Variants in KCNU1 observed in about 807,000 individuals in gnomAD.
The protein encoded by KCNU1 is potassium calcium-activated channel subfamily U member 1, also known as potassium channel subfamily U member 1.
In KCNU1, 93 loss-of-function variants were observed where a neutral mutation model predicts 126.8. The ratio of observed to expected loss-of-function variants is 0.73; its 90% CI spans 0.62 to 0.87. The LOEUF (loss-of-function observed/expected upper bound fraction) is 0.87, where lower values mean the gene tolerates loss of function less well. Among genes scored for constraint, KCNU1 ranks in the 40% least tolerant of loss-of-function variants. The probability of loss-of-function intolerance (pLI) is 0.00; values close to 1 mark genes in which losing one functional copy is unlikely to be tolerated. For missense variants in KCNU1, 1,330 were observed against 1,367.1 expected (o/e 0.97, Z 0.43); for synonymous variants, 523 against 494.2 (o/e 1.06, Z -0.77).
chr8:36,881,217 T>C (rs1005765350), intron 19 of KCNU1, among the ~76,000 whole-genome samples: 6 of 152,170 alleles, frequency 3.9e-5, no homozygotes, highest in Admixed American at 6.5e-5. Context: ...GTTAACTCAC[T>C]AAAAGGCCAG....
At chr8:36,815,745 C>A in intron 9 of KCNU1, 58 bp downstream of exon 9, 2 of 988,676 alleles carry the variant, frequency 2.0e-6, no homozygotes, top group Non-Finnish European at 3.1e-6. Context: ...AGCCATATAT[C>A]TCGTTCTAGA....
chr8:36,792,708 G>GAAA (rs1468879245), intron 2 of KCNU1, among the ~76,000 whole-genome samples: 5 of 152,060 alleles, frequency 3.3e-5, no homozygotes, highest in Non-Finnish European at 7.4e-5. Flanking sequence ...GAAAAATGCT[G>GAAA]TCTATAGATT....
intron 16 of KCNU1, among the ~76,000 whole-genome samples, chr8:36,844,614 AGG>A (rs1805076933): frequency 6.6e-6 from 1 of 152,226 alleles, no homozygotes; most frequent in Non-Finnish European, 1.5e-5. Context: ...TCTTGGCATA[AGG>A]CTGAAGAACT....
chr8:36,894,760 G>T (rs1807116381), intron 19 of KCNU1, among the ~76,000 whole-genome samples: 1 of 152,074 alleles, frequency 6.6e-6, no homozygotes, highest in Non-Finnish European at 1.5e-5. Flanking sequence ...ATAATCTGAA[G>T]CGGAATCTGC....
At chr8:36,875,040 A>C (rs532451993) in intron 19 of KCNU1, among the ~76,000 whole-genome samples, 37 of 152,064 alleles carry the variant, frequency 2.4e-4, no homozygotes, top group African/African-American at 8.9e-4. Flanking sequence ...GTGGTATTAT[A>C]TCTCATCTAC....
At position 36,918,098 on chromosome 8, in the gene KCNU1, C is replaced by G. The variant is rs552771996; in HGVS notation, c.2522-725C>G. Among the ~76,000 whole-genome samples, 18 of 152,290 alleles carry G rather than the reference C, an allele frequency of 1.2e-4. 1 individual carries two copies. Among genetic ancestry groups the G allele is most frequent in the Middle Eastern group, 3.4e-3 (1 of 294 alleles). On this transcript the variant is annotated intron_variant, in intron 22 of 26. Transcript: ENST00000399881. The stretch of plus-strand genomic sequence containing the variant: ...TGCAGTTTCCGAAAAATACTACAGG[C>G]AAATTGATGTGGTTTGAGCTACTGC...
In KCNU1 at chr8:36,784,574, G is replaced by T. The variant is rs772989092; in HGVS notation, c.164G>T (p.Trp55Leu). The change falls in exon 1 of 27, where the codon TGG becomes TTG. Residue 55 changes from tryptophan (W) to leucine (L), a missense_variant. Transcript: ENST00000399881. ...FRLIWRSVKK[W>L]QIIKGTGIIL... ...CTGATCTGGAGATCTGTTAAAAAAT[G>T]GCAAATCATCAAGGGAACAGGAATT... 1 of 1,613,446 alleles carries T rather than the reference G, an allele frequency of 6.2e-7. No individual in the cohort carries two copies. Among genetic ancestry groups the T allele is most frequent in the Non-Finnish European group, 8.5e-7 (1 of 1,179,642 alleles).
chr8:36,856,443 T>C (rs999720723), intron 18 of KCNU1, among the ~76,000 whole-genome samples: 1 of 152,162 alleles, frequency 6.6e-6, no homozygotes, highest in African/African-American at 2.4e-5. Flanking sequence ...TTGTCACTGG[T>C]TGTTTAGTTA....
intron 18 of KCNU1, among the ~76,000 whole-genome samples, chr8:36,848,072 G>T (rs1464377626): frequency 6.6e-6 from 1 of 152,142 alleles, no homozygotes; most frequent in Non-Finnish European, 1.5e-5. Context: ...GATAATTAAT[G>T]ATGTTAAACA....
chr8:36,913,345 A>G (rs999620744), intron 22 of KCNU1, among the ~76,000 whole-genome samples: 2 of 152,198 alleles, frequency 1.3e-5, no homozygotes, highest in African/African-American at 2.4e-5. Context: ...GAGAAAAGGA[A>G]GGAATGTCAA....
intron 10 of KCNU1, 150 bp from the exon 11 acceptor site, chr8:36,833,404 T>C: frequency 2.3e-6 from 1 of 441,700 alleles, no homozygotes; most frequent in Non-Finnish European, 4.2e-6. Context: ...AGTAATTACA[T>C]TTTTTAAAAA....
intron 18 of KCNU1, among the ~76,000 whole-genome samples, chr8:36,849,487 G>T (rs906458049): frequency 2.0e-5 from 3 of 152,146 alleles, no homozygotes; most frequent in Non-Finnish European, 4.4e-5. Flanking sequence ...TACTTGGGAG[G>T]CTGAGGCAGG....
At chr8:36,833,863 C>G (rs1172512739) in intron 11 of KCNU1, among the ~76,000 whole-genome samples, 4 of 152,176 alleles carry the variant, frequency 2.6e-5, no homozygotes, top group Admixed American at 2.0e-4. Context: ...GCAGACCTCA[C>G]TGTTTGCCAA....
chr8:36,916,872 A>G (rs898492512), intron 22 of KCNU1, among the ~76,000 whole-genome samples: 4 of 152,202 alleles, frequency 2.6e-5, no homozygotes, highest in African/African-American at 4.8e-5. Flanking sequence ...TAGAAATCAG[A>G]AATATATTCA....
chr8:36,806,033 G>T (rs1412768717), intron 4 of KCNU1, among the ~76,000 whole-genome samples: 1 of 152,022 alleles, frequency 6.6e-6, no homozygotes, highest in African/African-American at 2.4e-5. Flanking sequence ...TGGTAGAGAT[G>T]GGGTTTCGCC....
At chr8:36,792,897 C>A (rs1019336524) in intron 2 of KCNU1, among the ~76,000 whole-genome samples, 1 of 152,028 alleles carries the variant, frequency 6.6e-6, no homozygotes, top group African/African-American at 2.4e-5. Flanking sequence ...TATCTATAAA[C>A]GTAAACCATG....
At chr8:36,932,780 T>A in intron 25 of KCNU1, 140 bp from the exon 26 acceptor site, 1 of 617,408 alleles carries the variant, frequency 1.6e-6, no homozygotes, top group Non-Finnish European at 2.9e-6. Context: ...CCTATCGCCC[T>A]GGCAGTGCCA....
chr8:36,797,944 A>C (rs1803163743), intron 2 of KCNU1, among the ~76,000 whole-genome samples: 1 of 152,138 alleles, frequency 6.6e-6, no homozygotes, highest in East Asian at 1.9e-4. Flanking sequence ...CTCTTCTGTA[A>C]GCCTGCTCCT....
chr8:36,805,162 G>T (rs16885430), intron 3 of KCNU1, 33 bp from the exon 4 acceptor site: 284,886 of 1,500,682 alleles, frequency 0.19, 30,941 homozygotes, highest in African/African-American at 0.41. Flanking sequence ...TAAAAATGTT[G>T]ATCTTCACAA....
Sources: gnomAD v4.1 joint callset for allele counts (sites outside exome capture counted in the v4.1 genomes callset) on GRCh38, gnomAD v4.1.1 for gene constraint, MANE v1.5 for transcripts, NCBI Gene and HGNC (gene_info 2026-07-23, HGNC 2026-07-21) for gene names.